Variants in BCAR1 observed in about 807,000 individuals in gnomAD.
BCAR1 encodes breast cancer anti-estrogen resistance protein 1.
Under a neutral mutation model 67.6 loss-of-function variants are expected in BCAR1, and 30 were observed. That is an observed-to-expected ratio of 0.44 (90% CI 0.33 to 0.60). The LOEUF (loss-of-function observed/expected upper bound fraction) is 0.60. Ranked by LOEUF, BCAR1 falls within the 20% of genes least tolerant of loss-of-function variation. The probability of loss-of-function intolerance (pLI) is 0.02; values close to 1 mark genes in which losing one functional copy is unlikely to be tolerated. For synonymous variants in BCAR1, 626 were observed against 556.7 expected, an observed-to-expected ratio of 1.12 and a Z score of -1.75; for missense variants, 1,313 against 1,222.3, an observed-to-expected ratio of 1.07 and a Z score of -1.11.
At chr16:75,230,050 G>T in intron 6 of BCAR1, 27 bp from the exon 7 acceptor site, 1 of 1,518,426 alleles carries the variant, frequency 6.6e-7, no homozygotes, top group South Asian at 1.3e-5. Context: ...GCAGGAGCAG[G>T]GTTAGGCTCT....
intron 1 of BCAR1, chr16:75,264,272 G>T: frequency 7.3e-7 from 1 of 1,369,444 alleles, no homozygotes; most frequent in South Asian, 1.8e-5. Context: ...CAAATCAAAC[G>T]GGGACCTCCC....
intron 1 of BCAR1, chr16:75,247,967 C>T (rs760678617): frequency 3.9e-5 from 33 of 847,040 alleles, no homozygotes; most frequent in Non-Finnish European, 6.3e-5. Context: ...AAGAACAGCA[C>T]AGTTCCTCCC....
At chr16:75,233,785 G>A in intron 6 of BCAR1, 61 bp downstream of exon 6, 10 of 1,514,646 alleles carry the variant, frequency 6.6e-6, no homozygotes, top group Non-Finnish European at 8.9e-6. Context: ...TGCAGGGCAA[G>A]AGCTGGGGGC....
intron 1 of BCAR1, chr16:75,264,515 C>T (rs908898227): frequency 7.1e-7 from 1 of 1,417,778 alleles, no homozygotes; most frequent in African/African-American, 1.4e-5. Flanking sequence ...TGTCTTCCTT[C>T]TTTCTGAAGA....
chr16:75,265,985 G>T, intron 1 of BCAR1: 1 of 1,047,516 alleles, frequency 9.5e-7, no homozygotes, highest in Non-Finnish European at 1.1e-6. Context: ...GGACTGTCCG[G>T]CCGCTCCAGC....
upstream of BCAR1, among the ~76,000 whole-genome samples, chr16:75,254,607 G>A (rs548462833): frequency 9.8e-5 from 15 of 152,320 alleles, no homozygotes; most frequent in East Asian, 2.5e-3. Context: ...CAGTGGGACT[G>A]GCAGCAAGGA....
intron 1 of BCAR1, chr16:75,243,462 C>G (rs781683474): frequency 5.4e-6 from 3 of 557,442 alleles, no homozygotes; most frequent in South Asian, 4.3e-5. Context: ...CAAGTTAAAA[C>G]AAATAGCAAA....
At chr16:75,239,973 C>T (rs1015869762) in intron 2 of BCAR1, among the ~76,000 whole-genome samples, 6 of 152,336 alleles carry the variant, frequency 3.9e-5, no homozygotes, top group East Asian at 1.9e-4. Flanking sequence ...CGCCTTCCCC[C>T]GGGGGTCCCA....
intron 1 of BCAR1, chr16:75,250,886 G>A (rs2077660345): frequency 5.1e-6 from 5 of 985,508 alleles, no homozygotes; most frequent in Non-Finnish European, 6.0e-6. Flanking sequence ...AGCCCGCGGC[G>A]CGCCCGCCCC....
intron 4 of BCAR1, chr16:75,236,650 T>G (rs915887465): frequency 1.3e-6 from 1 of 777,676 alleles, no homozygotes; most frequent in Non-Finnish European, 1.9e-6. Context: ...GGATACCCTC[T>G]CAGGAGCTCA....
rs112113209 is a variant in BCAR1, at chr16:75,235,653, C to A, written c.1246G>T (p.Ala416Ser). Residue 416 changes from alanine (A) to serine (S), a missense_variant, in exon 5 of 7, where the codon GCT becomes TCT. This residue lies in a region of BCAR1 where 1,272 missense variants were observed against 1,137.5 expected (regional missense o/e 1.12). Coordinates refer to ENST00000162330, the MANE Select transcript of BCAR1 (RefSeq NM_014567.5). ...CCCTCTGCCGGGGCTTCACGTTCAG[C>A]TGGGGGAGGCACCGCATACACACCA... is the stretch of plus-strand genomic sequence containing the variant. ...DSGVYAVPPP[A>S]EREAPAEGKR... 2 of 1,609,782 alleles carry A rather than the reference C, an allele frequency of 1.2e-6. No individual in the cohort carries two copies. Among genetic ancestry groups the A allele is most frequent in the East Asian group, 2.2e-5 (1 of 44,834 alleles).
chr16:75,247,564 C>G (rs1460145037), intron 1 of BCAR1: 1 of 163,074 alleles, frequency 6.1e-6, no homozygotes, highest in African/African-American at 2.4e-5. Flanking sequence ...CTTGGGAGCC[C>G]TGGACGTGCT....
At chr16:75,264,982 G>A (rs933941589) in intron 1 of BCAR1, 1 of 153,220 alleles carries the variant, frequency 6.5e-6, no homozygotes, top group Non-Finnish European at 1.5e-5. Context: ...CTGCACCTGA[G>A]GCCTGGTTAC....
intron 1 of BCAR1, among the ~76,000 whole-genome samples, chr16:75,258,443 T>C (rs1284970071): frequency 2.6e-5 from 4 of 152,238 alleles, no homozygotes; most frequent in Non-Finnish European, 5.9e-5. Flanking sequence ...CTCATGCATC[T>C]GCGCCTCCTG....
chr16:75,229,784 C>T lies in BCAR1; in HGVS notation c.2340G>A (p.Ala780=), dbSNP rs373725274. Reference sequence around the variant, plus strand: ...CGCTGAGGATGACGAACTTGCTGTGCGCCACAAAGATCTTGGGCGGCTGGT... The same window carrying T: ...CGCTGAGGATGACGAACTTGCTGTGTGCCACAAAGATCTTGGGCGGCTGGT... ...ATNQPPKIFV[A]HSKFVILSAH... Residue 780 remains alanine (A), a synonymous_variant, in exon 7 of 7, where the codon GCG becomes GCA. Transcript: ENST00000162330. 3.0e-5 allele frequency: 49 copies of T among 1,613,514 alleles called. No homozygotes were observed. Among genetic ancestry groups the T allele is most frequent in the Non-Finnish European group, 3.4e-5 (40 of 1,180,008 alleles).
chr16:75,231,602 C>G (rs1225627863), intron 6 of BCAR1, among the ~76,000 whole-genome samples: 2 of 152,236 alleles, frequency 1.3e-5, no homozygotes, highest in African/African-American at 4.8e-5. Context: ...AATTCTACAT[C>G]TTTAAAGTTC....
In BCAR1 at chr16:75,266,028, C is replaced by A. The variant is rs370640145; in HGVS notation, c.66+1887G>T. On this transcript the variant is annotated intron_variant, in intron 1 of 6. Coordinates refer to the BCAR1 transcript ENST00000393422. ...CGCATGCGCCGCCCGCGCCGCCCCCCCCACCGTCTCCGCGGCCAGGGACGC... is the reference window on the plus strand; with the variant it reads ...CGCATGCGCCGCCCGCGCCGCCCCCACCACCGTCTCCGCGGCCAGGGACGC... The A allele has an allele frequency of 5.0e-4, 512 of 1,029,404 alleles. 2 individuals are homozygous for A. The South Asian group carries it at 5.0e-3, about 10-fold the overall frequency. The allele number at this position is 1,029,404 out of a possible 1,614,324, so 63.8% of individuals were successfully genotyped here.
At chr16:75,265,421 G>T (rs1445797499) in intron 1 of BCAR1, among the ~76,000 whole-genome samples, 1 of 152,182 alleles carries the variant, frequency 6.6e-6, no homozygotes, top group Non-Finnish European at 1.5e-5. Flanking sequence ...CAGTCCCGGA[G>T]GGGAGTCGCG....
intron 1 of BCAR1, chr16:75,263,398 G>A (rs2077946121): frequency 1.0e-6 from 1 of 985,440 alleles, no homozygotes; most frequent in African/African-American, 1.7e-5. Context: ...CTGGGCGAGA[G>A]GAAGGCATGG....
Sources: gnomAD v4.1 joint callset for allele counts (sites outside exome capture counted in the v4.1 genomes callset) on GRCh38, gnomAD v4.1.1 for gene constraint, gnomAD v4.1.1 regional missense constraint, MANE v1.5 for transcripts, NCBI Gene and HGNC (gene_info 2026-07-23, HGNC 2026-07-21) for gene names.